Variants in C4orf36 observed in about 807,000 individuals in gnomAD.
The protein encoded by C4orf36 is chromosome 4 open reading frame 36.
Under a neutral mutation model 12.2 loss-of-function variants are expected in C4orf36, and 11 were observed. The observed-to-expected ratio is 0.90, with a 90% CI of 0.57 to 1.49. The LOEUF (loss-of-function observed/expected upper bound fraction) is 1.49, where lower values mean the gene tolerates loss of function less well. Among genes scored for constraint, C4orf36 ranks in the 40% most tolerant of loss-of-function variants. The pLI is 0.00. For missense variants in C4orf36, 137 were observed against 133.9 expected (o/e 1.02, Z -0.11); for synonymous variants, 54 against 51.3 (o/e 1.05, Z -0.22).
the C4orf36 span, among the ~76,000 whole-genome samples, chr4:86,928,876 TTTC>T: frequency 6.6e-6 from 1 of 152,102 alleles, no homozygotes; most frequent in Non-Finnish European, 1.5e-5. Flanking sequence ...CCTCTTTTCT[TTTC>T]TTCTTTCAAA....
chr4:86,931,021 C>G, the C4orf36 span, among the ~76,000 whole-genome samples: 99 of 152,288 alleles, frequency 6.5e-4, no homozygotes, highest in Admixed American at 1.3e-3. Flanking sequence ...TAATTGTAGC[C>G]TGACTGTCTC....
chr4:86,886,877 T>C (rs1307546506), intron 4 of C4orf36: 7 of 152,092 alleles, frequency 4.6e-5, no homozygotes, highest in African/African-American at 7.2e-5. Context: ...TGTCCAACAA[T>C]GATAGACTGG....
chr4:86,919,315 C>CTTTTTTTTTTTTTTTTTT, the C4orf36 span, among the ~76,000 whole-genome samples: 1 of 81,354 alleles, frequency 1.2e-5, no homozygotes, highest in Non-Finnish European at 2.1e-5. Context: ...TTTTTTCCCC[C>CTTTTTTTTTTTTTTTTTT]TTTTTTTTTT....
the C4orf36 span, chr4:86,913,924 A>T: frequency 7.3e-7 from 1 of 1,367,590 alleles, no homozygotes; most frequent in Non-Finnish European, 1.0e-6. Flanking sequence ...TCCCGGGCTC[A>T]CGCCATTCTC....
At chr4:86,903,920 G>A in the C4orf36 span, among the ~76,000 whole-genome samples, 3 of 152,152 alleles carry the variant, frequency 2.0e-5, no homozygotes, top group South Asian at 2.1e-4. Context: ...GACACAGAGC[G>A]CTGATTGGTG....
chr4:86,881,169 T>C (rs551835321), intron 4 of C4orf36, among the ~76,000 whole-genome samples: 1 of 152,236 alleles, frequency 6.6e-6, no homozygotes, highest in East Asian at 1.9e-4. Flanking sequence ...TAACTATAAA[T>C]TATGTTAATG....
upstream of C4orf36, among the ~76,000 whole-genome samples, chr4:86,894,968 C>T (rs181072564): frequency 1.4e-3 from 210 of 152,236 alleles, 1 homozygote; most frequent in Admixed American, 6.7e-3. Context: ...CCAGAACCAC[C>T]CAGCTAAGTC....
At chr4:86,886,049 C>T (rs571236111) in intron 4 of C4orf36, among the ~76,000 whole-genome samples, 22 of 152,194 alleles carry the variant, frequency 1.4e-4, no homozygotes, top group Middle Eastern at 6.8e-3. Context: ...GGGATGAAGC[C>T]CACTTGATCA....
the C4orf36 span, chr4:86,926,349 TGAG>T: frequency 6.6e-6 from 1 of 152,384 alleles, no homozygotes. Context: ...CAGGGTTTAT[TGAG>T]GAGACTTAAA....
chr4:86,902,238 T>C, the C4orf36 span, among the ~76,000 whole-genome samples: 3 of 151,860 alleles, frequency 2.0e-5, no homozygotes, highest in Non-Finnish European at 4.4e-5. Context: ...CTGGGCAACG[T>C]AGTGAAACCC....
the C4orf36 span, among the ~76,000 whole-genome samples, chr4:86,912,780 GA>G: frequency 6.6e-6 from 1 of 152,058 alleles, no homozygotes; most frequent in African/African-American, 2.4e-5. Flanking sequence ...ATATGGACAT[GA>G]AAACATATAT....
chr4:86,923,232 C>T, the C4orf36 span, among the ~76,000 whole-genome samples: 375 of 151,988 alleles, frequency 2.5e-3, 3 homozygotes, highest in African/African-American at 8.7e-3. Flanking sequence ...GCTGAGACTA[C>T]AGGTATGTAC....
the C4orf36 span, among the ~76,000 whole-genome samples, chr4:86,904,439 G>T: frequency 6.6e-6 from 1 of 152,148 alleles, no homozygotes; most frequent in Non-Finnish European, 1.5e-5. Context: ...AGTGAGCGAG[G>T]GCTGGTAACA....
At chr4:86,910,402 ACT>A in the C4orf36 span, among the ~76,000 whole-genome samples, 1 of 152,098 alleles carries the variant, frequency 6.6e-6, no homozygotes, top group African/African-American at 2.4e-5. Flanking sequence ...ACAGCGCAAG[ACT>A]CTGTCTCAAA....
At chr4:86,889,730 A>T (rs761726726) in intron 2 of C4orf36, among the ~76,000 whole-genome samples, 6 of 152,064 alleles carry the variant, frequency 3.9e-5, no homozygotes, top group Non-Finnish European at 8.8e-5. Context: ...AGCCCAGGTG[A>T]TGTGATGAGA....
chr4:86,897,367 G>GA (rs1282195736), upstream of C4orf36, among the ~76,000 whole-genome samples: 3 of 151,208 alleles, frequency 2.0e-5, no homozygotes, highest in African/African-American at 7.3e-5. Context: ...TCTCAAAAAA[G>GA]AAAAAAAACA....
chr4:86,886,252 T>C (rs554351739), intron 4 of C4orf36, among the ~76,000 whole-genome samples: 1 of 152,324 alleles, frequency 6.6e-6, no homozygotes, highest in Admixed American at 6.5e-5. Flanking sequence ...TTCTATTGAT[T>C]GGAATAGTTT....
intron 4 of C4orf36, among the ~76,000 whole-genome samples, chr4:86,882,768 G>C (rs1452940211): frequency 6.6e-6 from 1 of 152,156 alleles, no homozygotes; most frequent in Non-Finnish European, 1.5e-5. Context: ...TGGGAAGTAT[G>C]TTACATATAT....
chr4:86,883,214 T>C (rs2149420312), intron 4 of C4orf36, among the ~76,000 whole-genome samples: 2 of 115,798 alleles, frequency 1.7e-5, no homozygotes, highest in Middle Eastern at 0.01. Context: ...ACACAAATTC[T>C]CCATGCTACT....
Sources: allele counts gnomAD v4.1 joint callset (sites outside exome capture counted in the v4.1 genomes callset), GRCh38; gene constraint gnomAD v4.1.1; transcripts MANE v1.5; gene names NCBI Gene and HGNC (gene_info 2026-07-23, HGNC 2026-07-21).